Variants in VGLL4 observed in about 807,000 individuals in gnomAD.
VGLL4 encodes vestigial like family member 4.
Under a neutral mutation model 21.0 loss-of-function variants are expected in VGLL4, and 7 were observed. The observed-to-expected ratio is 0.33, with a 90% CI of 0.19 to 0.63. VGLL4 has a LOEUF of 0.63. Ranked by LOEUF, VGLL4 falls within the 20% of genes least tolerant of loss-of-function variation. The pLI, the probability that VGLL4 is intolerant of heterozygous loss-of-function variation, is 0.78. For synonymous variants in VGLL4, 222 were observed against 173.2 expected (o/e 1.28, Z -2.21); for missense variants, 394 against 425.7 (o/e 0.93, Z 0.66).
At chr3:11,652,983 T>C (rs1047768993) in intron 2 of VGLL4, among the ~76,000 whole-genome samples, 1 of 152,230 alleles carries the variant, frequency 6.6e-6, no homozygotes, top group African/African-American at 2.4e-5. Flanking sequence ...TTGTACCAAG[T>C]CATAATTACT....
chr3:11,660,493 T>C (rs1479170404), intron 2 of VGLL4, among the ~76,000 whole-genome samples: 3 of 152,218 alleles, frequency 2.0e-5, no homozygotes, highest in Non-Finnish European at 4.4e-5. Context: ...GCAGACACAT[T>C]GTCAATGCCA....
intron 2 of VGLL4, chr3:11,671,449 T>A: frequency 1.4e-6 from 1 of 739,206 alleles, no homozygotes. Flanking sequence ...TCCCTCAGTA[T>A]TCGCCGGGGA....
intron 2 of VGLL4, among the ~76,000 whole-genome samples, chr3:11,656,021 G>A (rs1409238535): frequency 6.6e-6 from 1 of 152,212 alleles, no homozygotes; most frequent in Non-Finnish European, 1.5e-5. Context: ...CCTAAAAGAA[G>A]GAGCGAACTG....
intron 1 of VGLL4, among the ~76,000 whole-genome samples, chr3:11,635,018 TAA>T (rs773198994): frequency 2.0e-5 from 3 of 152,104 alleles, no homozygotes; most frequent in Admixed American, 6.5e-5. Context: ...TAAGAATTTG[TAA>T]AAAGTCAGTA....
chr3:11,702,745 C>CAAAAAAAAAAAAAAAAAAAAAA (rs372702459), intron 2 of VGLL4: 1 of 182,422 alleles, frequency 5.5e-6, no homozygotes, highest in Non-Finnish European at 1.1e-5. Flanking sequence ...AAAAAAAAAA[C>CAAAAAAAAAAAAAAAAAAAAAA]AAAAAAAAAA....
chr3:11,652,626 G>C (rs74856031), intron 2 of VGLL4, among the ~76,000 whole-genome samples: 16,039 of 152,168 alleles, frequency 0.11, 924 homozygotes, highest in South Asian at 0.19. Context: ...TCACCATGTT[G>C]GACAGGTTGG....
chr3:11,627,249 CTG>C (rs61112498), intron 1 of VGLL4: 5,889 of 151,082 alleles, frequency 0.039, 188 homozygotes, highest in South Asian at 0.079. Context: ...CTCTCTCTCT[CTG>C]TCGGTTTTTA....
At chr3:11,668,201 T>TATAAATAA (rs565709100) in intron 2 of VGLL4, among the ~76,000 whole-genome samples, 1 of 151,888 alleles carries the variant, frequency 6.6e-6, no homozygotes, top group Non-Finnish European at 1.5e-5. Flanking sequence ...TTCTTCAAGA[T>TATAAATAA]ATAAATAAAT....
At chr3:11,686,705 T>C (rs1267895052) in intron 2 of VGLL4, among the ~76,000 whole-genome samples, 1 of 152,244 alleles carries the variant, frequency 6.6e-6, no homozygotes, top group East Asian at 1.9e-4. Context: ...TAATCATTCT[T>C]CCTCCATGGA....
intron 1 of VGLL4, among the ~76,000 whole-genome samples, chr3:11,628,421 G>A (rs1207651012): frequency 2.0e-5 from 3 of 151,108 alleles, no homozygotes; most frequent in Non-Finnish European, 2.9e-5. Flanking sequence ...AAGAAACATC[G>A]AATTGTACCC....
At chr3:11,682,021 AG>A (rs1430616206) in intron 2 of VGLL4, among the ~76,000 whole-genome samples, 1 of 152,244 alleles carries the variant, frequency 6.6e-6, no homozygotes, top group Admixed American at 6.5e-5. Flanking sequence ...GCACTTTGGG[AG>A]GCCAAGTGGG....
At chr3:11,574,763 A>G (rs1485835936) in intron 2 of VGLL4, among the ~76,000 whole-genome samples, 1 of 146,940 alleles carries the variant, frequency 6.8e-6, no homozygotes, top group African/African-American at 2.5e-5. Context: ...AATATGTACA[A>G]TTACTGTCAA....
chr3:11,589,650 G>A lies in VGLL4; in HGVS notation c.272+12183C>T, dbSNP rs749250495. Among the ~76,000 whole-genome samples the A allele has an allele frequency of 3.3e-5, 5 of 152,204 alleles. 1 individual carries two copies. The highest frequency in any genetic ancestry group is 1.2e-4 in the African/African-American group (5 of 41,450). ...GCCATAACAAAATACTGTGGACTTC[G>A]TGACTTAAACAGACGTTTGTTTTCT... On this transcript the variant is annotated intron_variant, in intron 2 of 4. Coordinates refer to ENST00000430365, the MANE Select transcript of VGLL4 (RefSeq NM_001128219.3).
Position 11,568,753 on chromosome 3 carries a change from G to C in VGLL4, c.273-3734C>G. ...CAGAAAACCGCACGCATCCTGCCCG[G>C]GAGATGGAAGTCGCCTCCGCTCCTG... On this transcript the variant is annotated intron_variant, in intron 2 of 4. Coordinates refer to ENST00000430365, the MANE Select transcript of VGLL4 (RefSeq NM_001128219.3). This position sits in a 1 kb window ranked among gnomAD's most constrained non-coding sequence, Gnocchi z 5.9. 6.6e-7 allele frequency: 1 copy of C among 1,513,914 alleles called. No individual in the cohort carries two copies. Among genetic ancestry groups the C allele is most frequent in the South Asian group, 1.3e-5 (1 of 78,382 alleles). 93.8% of individuals were successfully genotyped at this position (1,513,914 alleles called of 1,614,324 possible).
At chr3:11,629,658 A>G (rs1180941974) in intron 1 of VGLL4, among the ~76,000 whole-genome samples, 4 of 151,626 alleles carry the variant, frequency 2.6e-5, no homozygotes, top group Admixed American at 2.6e-4. Flanking sequence ...GAGGTAGGAG[A>G]ATCACTTGAA....
At chr3:11,606,472 C>T (rs1252362503) in intron 1 of VGLL4, among the ~76,000 whole-genome samples, 2 of 152,196 alleles carry the variant, frequency 1.3e-5, no homozygotes, top group African/African-American at 4.8e-5. Flanking sequence ...GTGTACGCTG[C>T]TGGTAGAATT....
rs181038601 is a variant in VGLL4, at chr3:11,664,794, T to C, written c.64+38177A>G. ...AGAGCTATAGTAACTATAAAACATG[T>C]TTTATAGATCTTTTTTAAAATTGTG... is the stretch of plus-strand genomic sequence containing the variant. On this transcript the variant is annotated intron_variant, in intron 2 of 5. Coordinates refer to the VGLL4 transcript ENST00000273038. Among the ~76,000 whole-genome samples, 27 of 152,316 alleles carry C rather than the reference T, an allele frequency of 1.8e-4. 1 individual carries two copies. The highest frequency in any genetic ancestry group is 6.5e-4 in the African/African-American group (27 of 41,548).
chr3:11,693,111 C>A, intron 2 of VGLL4: 1 of 206,976 alleles, frequency 4.8e-6, no homozygotes, highest in Non-Finnish European at 1.0e-5. Flanking sequence ...GCGGAGCTTG[C>A]AGTGAGCCAA....
At chr3:11,613,974 T>C (rs2075111619) in intron 1 of VGLL4, among the ~76,000 whole-genome samples, 1 of 152,170 alleles carries the variant, frequency 6.6e-6, no homozygotes, top group Non-Finnish European at 1.5e-5. Context: ...CCGAATCTGC[T>C]CCACCAGGAG....
Sources: allele counts gnomAD v4.1 joint callset (sites outside exome capture counted in the v4.1 genomes callset), GRCh38; gene constraint gnomAD v4.1.1; non-coding constraint Gnocchi (gnomAD v3.1); transcripts MANE v1.5; gene names NCBI Gene and HGNC (gene_info 2026-07-23, HGNC 2026-07-21).